Variants in SLCO6A1 observed in about 807,000 individuals in gnomAD.
The protein encoded by SLCO6A1 is cancer/testis antigen 48.
A neutral mutation model predicts 72.7 loss-of-function variants in SLCO6A1; 65 were observed. The ratio of observed to expected loss-of-function variants is 0.89; its 90% CI spans 0.73 to 1.10. SLCO6A1 has a LOEUF of 1.10. SLCO6A1 is among the 50% of genes least tolerant of loss of function. The pLI is 0.00. For missense variants in SLCO6A1, 874 were observed against 872.6 expected (o/e 1.00, Z -0.02); for synonymous variants, 314 against 298.2 (o/e 1.05, Z -0.55).
chr5:102,429,087 T>C (rs181397363), intron 7 of SLCO6A1, among the ~76,000 whole-genome samples: 56 of 152,324 alleles, frequency 3.7e-4, no homozygotes, highest in Non-Finnish European at 6.8e-4. Context: ...GCCACATGTC[T>C]TCTTTTGAGA....
chr5:102,389,459 C>CCA (rs1198260136), intron 11 of SLCO6A1, among the ~76,000 whole-genome samples: 2 of 111,088 alleles, frequency 1.8e-5, no homozygotes, highest in African/African-American at 6.7e-5. Flanking sequence ...CCCACCCCCA[C>CCA]ACACACAGAG....
intron 7 of SLCO6A1, among the ~76,000 whole-genome samples, chr5:102,424,111 CAGCTAAAGCAGTGTTTAGAGGA>C (rs1748759482): frequency 6.6e-6 from 1 of 152,106 alleles, no homozygotes; most frequent in Non-Finnish European, 1.5e-5. Context: ...CTCTGGGACA[CAGCTAAAGCAGTGTTTAGAGGA>C]AAATTTATAG....
chr5:102,479,696 C>A (rs1427748413), intron 2 of SLCO6A1, among the ~76,000 whole-genome samples: 4 of 152,208 alleles, frequency 2.6e-5, no homozygotes, highest in South Asian at 4.1e-4. Context: ...GGTAAAACTG[C>A]AACCCTACTC....
At chr5:102,416,399 GA>G (rs907014565) in intron 8 of SLCO6A1, among the ~76,000 whole-genome samples, 3 of 151,664 alleles carry the variant, frequency 2.0e-5, no homozygotes, top group Non-Finnish European at 4.4e-5. Context: ...TTAGTCATAA[GA>G]AAAAAATGAA....
At chr5:102,388,850 A>G (rs1746575561) in intron 11 of SLCO6A1, 25 bp from the exon 12 acceptor site, 3 of 1,583,026 alleles carry the variant, frequency 1.9e-6, no homozygotes, top group Non-Finnish European at 2.6e-6. Flanking sequence ...ATGATTGTAA[A>G]TTCTTTGTGA....
intron 4 of SLCO6A1, among the ~76,000 whole-genome samples, chr5:102,467,835 T>A (rs1437969417): frequency 1.3e-5 from 2 of 152,128 alleles, no homozygotes; most frequent in African/African-American, 4.8e-5. Context: ...TTCATTTAGT[T>A]CTGCTCTGAT....
At chr5:102,458,556 T>C in intron 5 of SLCO6A1, 65 bp from the exon 6 acceptor site, 2 of 1,026,764 alleles carry the variant, frequency 1.9e-6, no homozygotes, top group Non-Finnish European at 2.9e-6. Context: ...ACATAAAACC[T>C]ACATACACAC....
intron 4 of SLCO6A1, among the ~76,000 whole-genome samples, chr5:102,466,195 G>C (rs938440327): frequency 1.3e-5 from 2 of 151,846 alleles, no homozygotes; most frequent in African/African-American, 2.4e-5. Context: ...CTGCCCTCCA[G>C]TAGGCCACAG....
chr5:102,407,393 C>T (rs150092571), intron 9 of SLCO6A1, among the ~76,000 whole-genome samples: 1 of 152,170 alleles, frequency 6.6e-6, no homozygotes, highest in African/African-American at 2.4e-5. Context: ...AGGAGCAATA[C>T]CTCTCTGCTG....
chr5:102,429,859 A>C (rs1749118703), intron 7 of SLCO6A1, among the ~76,000 whole-genome samples: 1 of 152,130 alleles, frequency 6.6e-6, no homozygotes, highest in African/African-American at 2.4e-5. Flanking sequence ...TTGGTAGTTT[A>C]ATAGGAATAG....
chr5:102,438,999 A>G (rs1409676937), intron 6 of SLCO6A1, among the ~76,000 whole-genome samples: 2 of 151,988 alleles, frequency 1.3e-5, no homozygotes, highest in African/African-American at 4.8e-5. Context: ...GACCATTTAA[A>G]TTTTGATTTG....
intron 4 of SLCO6A1, among the ~76,000 whole-genome samples, chr5:102,463,140 T>C (rs573532642): frequency 1.2e-5 from 1 of 86,644 alleles, no homozygotes; most frequent in African/African-American, 4.4e-5. Context: ...AAAGAAGATA[T>C]ACAATGCCCA....
At chr5:102,468,495 T>A (rs903618697) in intron 4 of SLCO6A1, among the ~76,000 whole-genome samples, 1 of 152,076 alleles carries the variant, frequency 6.6e-6, no homozygotes, top group Non-Finnish European at 1.5e-5. Context: ...GTAATTATTT[T>A]AAAAATTTAG....
At chr5:102,451,812 A>T (rs1021109737) in intron 6 of SLCO6A1, among the ~76,000 whole-genome samples, 3 of 152,184 alleles carry the variant, frequency 2.0e-5, no homozygotes, top group Non-Finnish European at 2.9e-5. Context: ...GCTAGTGTTT[A>T]CTTGCCACTC....
intron 7 of SLCO6A1, among the ~76,000 whole-genome samples, chr5:102,429,939 A>G (rs745329749): frequency 6.6e-6 from 1 of 152,182 alleles, no homozygotes; most frequent in Non-Finnish European, 1.5e-5. Flanking sequence ...ATTCATAAGC[A>G]TGGAGTGTTT....
chr5:102,407,274 C>T (rs1747723243), intron 9 of SLCO6A1, among the ~76,000 whole-genome samples: 1 of 152,172 alleles, frequency 6.6e-6, no homozygotes, highest in Non-Finnish European at 1.5e-5. Flanking sequence ...GAAATTTCTG[C>T]ATAATCTGTC....
rs562911218 is a variant in SLCO6A1, at chr5:102,427,764, A to C, written c.1277-7743T>G. ...GTTCATTAATTATGACAAATCTACC[A>C]TGCTAATATAAGATGTTTATAAAAG... On this transcript the variant is annotated intron_variant, in intron 7 of 13. Transcript: ENST00000506729. Among the ~76,000 whole-genome samples, 3 of 150,786 alleles carry C rather than the reference A, an allele frequency of 2.0e-5. No individual in the cohort carries two copies. In the South Asian group the frequency reaches 6.3e-4, roughly 32 times the overall value.
intron 7 of SLCO6A1, among the ~76,000 whole-genome samples, chr5:102,437,556 A>G (rs960919583): frequency 6.6e-6 from 1 of 152,144 alleles, no homozygotes; most frequent in South Asian, 2.1e-4. Flanking sequence ...TTGATTAATC[A>G]GAGTGCCCCA....
chr5:102,403,827 G>A (rs1270269818), intron 9 of SLCO6A1, among the ~76,000 whole-genome samples: 1 of 151,968 alleles, frequency 6.6e-6, no homozygotes, highest in Non-Finnish European at 1.5e-5. Context: ...TGCAAATAAT[G>A]GTGAACCAAA....
Sources: allele counts gnomAD v4.1 joint callset (sites outside exome capture counted in the v4.1 genomes callset), GRCh38; gene constraint gnomAD v4.1.1; transcripts MANE v1.5; gene names NCBI Gene and HGNC (gene_info 2026-07-23, HGNC 2026-07-21).